Variants in CPZ observed in about 807,000 individuals in gnomAD.
The protein encoded by CPZ is carboxypeptidase Z, also known as VEZT/CPZ fusion.
A neutral mutation model predicts 61.8 loss-of-function variants in CPZ; 103 were observed. That is an observed-to-expected ratio of 1.67 (90% CI 1.42 to 1.96). The LOEUF (loss-of-function observed/expected upper bound fraction) is 1.96, where lower values mean the gene tolerates loss of function less well. Among genes scored for constraint, CPZ ranks in the 30% most tolerant of loss-of-function variants. The pLI is 0.00. For synonymous variants in CPZ, 551 were observed against 373.7 expected (o/e 1.47, Z -5.47); for missense variants, 1,461 against 914.9 (o/e 1.60, Z -7.70).
intron 9 of CPZ, 91 bp downstream of exon 9, chr4:8,614,589 A>C: frequency 7.5e-7 from 1 of 1,336,862 alleles, no homozygotes; most frequent in Non-Finnish European, 1.0e-6. Context: ...CCGTAGCCTC[A>C]CTGCCCCATA....
At chr4:8,619,194 A>T in intron 10 of CPZ, 68 bp from the exon 11 acceptor site, 3 of 1,372,682 alleles carry the variant, frequency 2.2e-6, no homozygotes, top group Non-Finnish European at 3.0e-6. Flanking sequence ...ACTCATATCC[A>T]TCACCCATCA....
Position 8,606,653 on chromosome 4 carries a change from C to G in CPZ, c.907-84C>G, listed in dbSNP as rs921390698. On this transcript the variant is annotated intron_variant, in intron 5 of 10. Transcript: ENST00000360986. ...GGAAACCGCAGCCCCTGGCCTTGAC[C>G]CTCAGCCCAGCGTGAGACCCATCTG... The G allele has an allele frequency of 2.2e-5, 35 of 1,560,332 alleles. No homozygotes were observed. The Middle Eastern group carries it at 1.2e-3, about 52-fold the overall frequency.
intron 4 of CPZ, 127 bp downstream of exon 4, chr4:8,604,315 G>A: frequency 7.0e-6 from 6 of 860,998 alleles, no homozygotes; most frequent in Non-Finnish European, 1.0e-5. Context: ...TCAGGGAGCT[G>A]CTTGGTGCAG....
chr4:8,599,510 T>G (rs1383188153), intron 2 of CPZ, 25 bp downstream of exon 2: 1 of 1,613,230 alleles, frequency 6.2e-7, no homozygotes, highest in South Asian at 1.1e-5. Flanking sequence ...CCTCCCTGGC[T>G]TCTGTTCTGT....
intron 5 of CPZ, 102 bp from the exon 6 acceptor site, chr4:8,606,635 G>T: frequency 6.9e-7 from 1 of 1,455,362 alleles, no homozygotes; most frequent in African/African-American, 1.4e-5. Flanking sequence ...GGGGGAAACC[G>T]CAGCCCCTGG....
At chr4:8,614,626 G>A (rs372144819) in intron 9 of CPZ, 128 bp downstream of exon 9, 71 of 981,342 alleles carry the variant, frequency 7.2e-5, no homozygotes, top group East Asian at 6.2e-4. Flanking sequence ...GCCACCACTT[G>A]TTTTGGGGTT....
Position 8,604,199 on chromosome 4 carries a change from T to C in CPZ, c.709+11T>C, listed in dbSNP as rs1282168879. 1 of 1,529,772 alleles carries C rather than the reference T, an allele frequency of 6.5e-7. No homozygotes were observed. The highest frequency in any genetic ancestry group is 1.2e-5 in the South Asian group (1 of 81,942). The allele number at this position is 1,529,772 out of a possible 1,614,324, so 94.8% of individuals were successfully genotyped here. On this transcript the variant is annotated intron_variant, in intron 4 of 10. Transcript: ENST00000360986. Reference sequence around the variant, plus strand: ...GCCAGCACGAGCTGAGTGAGTGCCCTTGGGAGAGCCTGGCCTGGCCCCGTT... The same window carrying C: ...GCCAGCACGAGCTGAGTGAGTGCCCCTGGGAGAGCCTGGCCTGGCCCCGTT...
intron 3 of CPZ, 98 bp from the exon 4 acceptor site, chr4:8,603,878 A>C: frequency 9.9e-7 from 1 of 1,005,536 alleles, no homozygotes; most frequent in Non-Finnish European, 1.5e-6. Context: ...GCTGTCGTGC[A>C]GAGGGGACTA....
chr4:8,592,774 G>C lies in CPZ; in HGVS notation c.-60G>C. 8.1e-7 allele frequency: 1 copy of C among 1,236,500 alleles called. No individual in the cohort carries two copies. The highest frequency in any genetic ancestry group is 1.1e-6 in the Non-Finnish European group (1 of 951,598). 76.6% of individuals were successfully genotyped at this position (1,236,500 alleles called of 1,614,324 possible). A position where few individuals can be genotyped will look rare whatever the true frequency, so the allele number is the denominator to read the frequency against. On this transcript the variant is annotated 5_prime_UTR_variant, in exon 1 of 11. Transcript: ENST00000360986. Reference sequence around the variant, plus strand: ...GGAGCCCAGCGAGCGCAGAGCCCCGGCCCCGCGCGGCCCGAGTGCCACATC... The same window carrying C: ...GGAGCCCAGCGAGCGCAGAGCCCCGCCCCCGCGCGGCCCGAGTGCCACATC...
At chr4:8,598,462 C>T (rs1487674408) in intron 1 of CPZ, among the ~76,000 whole-genome samples, 1 of 152,230 alleles carries the variant, frequency 6.6e-6, no homozygotes, top group African/African-American at 2.4e-5. Flanking sequence ...AAGTCACAGC[C>T]AGGCAGGCAG....
chr4:8,598,675 G>A (rs993424825), intron 1 of CPZ, among the ~76,000 whole-genome samples: 5 of 152,228 alleles, frequency 3.3e-5, no homozygotes, highest in African/African-American at 1.2e-4. Context: ...CGGGTTCCCC[G>A]CCTTGGATGC....
rs1560297626 is a variant in CPZ at position 8,609,047 on chromosome 4, C to CGTA, written c.1227+1622_1227+1623insGTA. 8.8e-4 allele frequency among the ~76,000 whole-genome samples: 25 copies of CGTA among 28,414 alleles called. 1 individual carries two copies. The highest frequency in any genetic ancestry group is 3.9e-3 in the East Asian group (4 of 1,024). 18.6% of individuals were successfully genotyped at this position (28,414 alleles called of 152,430 possible). A position where few individuals can be genotyped will look rare whatever the true frequency, so the allele number is the denominator to read the frequency against. On this transcript the variant is annotated intron_variant, in intron 7 of 10. Coordinates refer to ENST00000360986, the MANE Select transcript of CPZ (RefSeq NM_001014447.3). ...CACTCCTTCACTCACCCATTCACTC[C>CGTA]CTCCCTCCCTCACTCCCTCACTCAC...
intron 7 of CPZ, among the ~76,000 whole-genome samples, chr4:8,609,130 A>ACTT (rs1715350974): frequency 3.4e-5 from 4 of 116,112 alleles, no homozygotes; most frequent in South Asian, 2.8e-4. Context: ...TCACTCATTC[A>ACTT]CTCATTTACT....
In CPZ at chr4:8,614,532, C is replaced by G. The variant is rs768857213; in HGVS notation, c.1503+34C>G. 7 of 1,605,176 alleles carry G rather than the reference C, an allele frequency of 4.4e-6. No homozygotes were observed. The East Asian group carries it at 1.6e-4, about 36-fold the overall frequency. ...TGACGGTCTCAGGGCTCTGGTCCAG[C>G]TGTGGCCTGGGTGGGGTGGGTCACA... is the stretch of plus-strand genomic sequence containing the variant. On this transcript the variant is annotated intron_variant, in intron 9 of 10. Coordinates refer to ENST00000360986, the MANE Select transcript of CPZ (RefSeq NM_001014447.3).
Position 8,601,505 on chromosome 4 carries a change from A to G in CPZ, c.496+8A>G. On this transcript the variant is annotated splice_region_variant and intron_variant, in intron 3 of 10. Transcript: ENST00000360986. ...CGCTGGAGAAGCTTCGGGGTAAGGG[A>G]AAGTGGCGGGGGCCTGTGTGGTCAT... 6.8e-7 allele frequency: 1 copy of G among 1,461,022 alleles called. No individual in the cohort carries two copies. The highest frequency in any genetic ancestry group is 9.1e-7 in the Non-Finnish European group (1 of 1,104,912). 90.5% of individuals were successfully genotyped at this position (1,461,022 alleles called of 1,614,324 possible). A position where few individuals can be genotyped will look rare whatever the true frequency, so the allele number is the denominator to read the frequency against.
At position 8,601,378 on chromosome 4, in the gene CPZ, G is replaced by C. The variant is rs115392829; in HGVS notation, c.377G>C (p.Arg126Pro). Reference protein sequence around the residue: ...RPCRHICEGLREVCQPAFDAI... With the variant: ...RPCRHICEGLPEVCQPAFDAI... ...TGCCGGCACATCTGCGAGGGCCTGC[G>C]GGAGGTCTGCCAGCCCGCCTTCGAC... Residue 126 changes from arginine to proline, a missense_variant, in exon 3 of 11, where the codon CGG (arginine) becomes CCG (proline). Coordinates refer to ENST00000360986, the MANE Select transcript of CPZ (RefSeq NM_001014447.3). 1 of 1,600,056 alleles carries C rather than the reference G, an allele frequency of 6.2e-7. No homozygotes were observed. The highest frequency in any genetic ancestry group is 1.1e-5 in the South Asian group (1 of 89,746).
At chr4:8,602,560 A>C (rs116512302) in intron 3 of CPZ, 2,736 of 152,420 alleles carry the variant, frequency 0.018, 82 homozygotes, top group African/African-American at 0.061. Flanking sequence ...GTGCTAGCTC[A>C]CGCGAGTCTC....
chr4:8,600,566 C>T (rs1714499141), intron 2 of CPZ, among the ~76,000 whole-genome samples: 1 of 152,170 alleles, frequency 6.6e-6, no homozygotes, highest in South Asian at 2.1e-4. Context: ...CAGGAAGGTG[C>T]CCAGCAACAA....
intron 7 of CPZ, among the ~76,000 whole-genome samples, chr4:8,607,917 G>T (rs1715180543): frequency 6.6e-6 from 1 of 152,308 alleles, no homozygotes; most frequent in Admixed American, 6.5e-5. Flanking sequence ...ACCGTCCACT[G>T]GGCCATTAGG....
Sources: allele counts gnomAD v4.1 joint callset (sites outside exome capture counted in the v4.1 genomes callset), GRCh38; gene constraint gnomAD v4.1.1; transcripts MANE v1.5; gene names NCBI Gene and HGNC (gene_info 2026-07-23, HGNC 2026-07-21).